The following CTNNA3 variants were observed in gnomAD, a reference collection of about 807,000 sequenced individuals.
CTNNA3 encodes the protein catenin alpha-3.
CTNNA3 carries 76 observed loss-of-function variants against 95.7 expected under a neutral mutation model. The ratio of observed to expected loss-of-function variants is 0.79; its 90% CI spans 0.66 to 0.96. The LOEUF (loss-of-function observed/expected upper bound fraction) is 0.96. Ranked by LOEUF, CTNNA3 falls within the 40% of genes least tolerant of loss-of-function variation. The pLI is 0.00. For synonymous variants in CTNNA3, 431 were observed against 374.4 expected, an observed-to-expected ratio of 1.15 and a Z score of -1.74; for missense variants, 1,191 against 1,089.8, an observed-to-expected ratio of 1.09 and a Z score of -1.31.
At chr10:67,522,380 G>T (rs1183641156) in intron 4 of CTNNA3, among the ~76,000 whole-genome samples, 2 of 152,106 alleles carry the variant, frequency 1.3e-5, no homozygotes, top group Non-Finnish European at 2.9e-5. Flanking sequence ...TGAAAATGTA[G>T]TTGCTTACAC....
rs577990827 is a variant in CTNNA3 at position 66,745,064 on chromosome 10, C to T, written c.1281+21200G>A. 6.4e-4 allele frequency among the ~76,000 whole-genome samples: 97 copies of T among 152,268 alleles called. 1 individual carries two copies. Among genetic ancestry groups the T allele is most frequent in the African/African-American group, 2.2e-3 (93 of 41,548 alleles). ...TTATATGGATTGGCACAAACTCAGT[C>T]ACCTGTTCACAGCCAGCTCCACCCC... On this transcript the variant is annotated intron_variant, in intron 9 of 17. Transcript: ENST00000433211.
rs1843296303 is a variant in CTNNA3, at chr10:67,606,920, C to A, written c.229G>T (p.Ala77Ser). The A allele has an allele frequency of 6.2e-7, 1 of 1,614,134 alleles. No individual in the cohort carries two copies. The change falls in exon 3 of 18, where the codon GCC (alanine) becomes TCC (serine). Residue 77 changes from alanine to serine, a missense_variant. By Grantham distance (99) the Ala-to-Ser change is moderately conservative. Transcript: ENST00000433211. ...TCCTTTAAAACTGTAGCTTCCTGGG[C>A]AATCTTCTCTCCCTTGTCTAATAAA... ...WNLLDKGEKI[A>S]QEATVLKDEL... is the part of the protein sequence containing the mutation.
intron 9 of CTNNA3, among the ~76,000 whole-genome samples, chr10:66,658,228 C>CTT (rs1355163073): frequency 7.2e-6 from 1 of 139,210 alleles, no homozygotes; most frequent in African/African-American, 2.5e-5. Context: ...CTCTCTCTTT[C>CTT]TCTCTCTCTC....
chr10:67,726,363 A>ATATATAATTATATATATATC (rs1564841029), intron 1 of CTNNA3, among the ~76,000 whole-genome samples: 2 of 41,616 alleles, frequency 4.8e-5, no homozygotes, highest in African/African-American at 1.3e-4. Context: ...TATATGATAT[A>ATATATAATTATATATATATC]ATATATGATA....
At chr10:66,970,499 GGGT>G (rs1365024098) in intron 7 of CTNNA3, among the ~76,000 whole-genome samples, 4 of 124,730 alleles carry the variant, frequency 3.2e-5, no homozygotes, top group African/African-American at 1.1e-4. Context: ...CTATATTCTT[GGGT>G]GGGGGGGGGA....
Position 66,446,567 on chromosome 10 carries a change from C to A in CTNNA3, c.1532-67215G>T, listed in dbSNP as rs1299105635. 7.2e-5 allele frequency among the ~76,000 whole-genome samples: 11 copies of A among 151,754 alleles called. No homozygotes were observed. The East Asian group carries it at 1.9e-3, about 27-fold the overall frequency. On this transcript the variant is annotated intron_variant, in intron 11 of 17. Coordinates refer to ENST00000433211, the MANE Select transcript of CTNNA3 (RefSeq NM_013266.4). ...TCCAGCATATAAACAGAACCAAAGA[C>A]AAAAACCACATGATTATCTCAATAG...
At chr10:66,800,759 C>T (rs1841398234) in intron 7 of CTNNA3, among the ~76,000 whole-genome samples, 1 of 151,258 alleles carries the variant, frequency 6.6e-6, no homozygotes, top group East Asian at 1.9e-4. Context: ...TCCTTCATAA[C>T]TTTAATCCTA....
chr10:67,003,601 A>G (rs1851803628), intron 7 of CTNNA3, among the ~76,000 whole-genome samples: 1 of 152,190 alleles, frequency 6.6e-6, no homozygotes, highest in African/African-American at 2.4e-5. Flanking sequence ...AACTCACGCA[A>G]TTGCAAAACT....
chr10:66,614,530 C>A (rs1844443352), intron 10 of CTNNA3, among the ~76,000 whole-genome samples: 1 of 151,906 alleles, frequency 6.6e-6, no homozygotes, highest in African/African-American at 2.4e-5. Flanking sequence ...ACATGCTTCT[C>A]TAGGGCAATC....
At chr10:66,441,422 A>T (rs957123025) in intron 11 of CTNNA3, among the ~76,000 whole-genome samples, 1 of 152,234 alleles carries the variant, frequency 6.6e-6, no homozygotes, top group Non-Finnish European at 1.5e-5. Context: ...GTTCATTTGT[A>T]CAAATTTAGC....
chr10:66,295,414 CA>C (rs1234639414), intron 12 of CTNNA3, among the ~76,000 whole-genome samples: 1 of 152,144 alleles, frequency 6.6e-6, no homozygotes, highest in Non-Finnish European at 1.5e-5. Context: ...ATCCTATCTA[CA>C]TTCAGAATGG....
At chr10:67,497,537 A>G (rs1839065871) in intron 5 of CTNNA3, among the ~76,000 whole-genome samples, 1 of 152,206 alleles carries the variant, frequency 6.6e-6, no homozygotes, top group African/African-American at 2.4e-5. Flanking sequence ...GAACTAGTTT[A>G]CATACCCATC....
At chr10:67,128,401 C>T (rs1302389576) in intron 7 of CTNNA3, among the ~76,000 whole-genome samples, 1 of 151,926 alleles carries the variant, frequency 6.6e-6, no homozygotes, top group Non-Finnish European at 1.5e-5. Flanking sequence ...TTCTACATCT[C>T]TCAACTGGGA....
At chr10:66,024,902 G>C (rs1295410643) in intron 15 of CTNNA3, among the ~76,000 whole-genome samples, 1 of 152,204 alleles carries the variant, frequency 6.6e-6, no homozygotes, top group African/African-American at 2.4e-5. Flanking sequence ...ATCACAGCTG[G>C]AAGAAAGGGG....
chr10:65,953,831 T>C (rs1356329078), intron 17 of CTNNA3, among the ~76,000 whole-genome samples: 3 of 152,228 alleles, frequency 2.0e-5, no homozygotes, highest in African/African-American at 2.4e-5. Context: ...TTGTGAATAG[T>C]GCCACAATAA....
chr10:67,268,359 A>AAATTAAATTAAATT (rs759024425), intron 5 of CTNNA3, among the ~76,000 whole-genome samples: 3,350 of 142,824 alleles, frequency 0.023, 47 homozygotes, highest in Non-Finnish European at 0.027. Flanking sequence ...TAAATTAAAT[A>AAATTAAATTAAATT]AATAAATAAA....
intron 7 of CTNNA3, among the ~76,000 whole-genome samples, chr10:66,951,099 A>T (rs1848515138): frequency 1.3e-5 from 2 of 149,058 alleles, no homozygotes; most frequent in African/African-American, 2.5e-5. Flanking sequence ...ACACACACAC[A>T]CACACACACA....
intron 13 of CTNNA3, among the ~76,000 whole-genome samples, chr10:66,232,940 G>A (rs147898764): frequency 0.12 from 17,507 of 151,902 alleles, 1,081 homozygotes; most frequent in Middle Eastern, 0.18. Context: ...GGCGGCTCAC[G>A]AGGTCAGGAG....
At chr10:67,070,102 A>G (rs562444896) in intron 7 of CTNNA3, among the ~76,000 whole-genome samples, 1 of 152,312 alleles carries the variant, frequency 6.6e-6, no homozygotes, top group African/African-American at 2.4e-5. Context: ...GTCAGTGTGT[A>G]GTATTATCAC....
Sources: allele counts gnomAD v4.1 joint callset (sites outside exome capture counted in the v4.1 genomes callset), GRCh38; gene constraint gnomAD v4.1.1; transcripts MANE v1.5; gene names NCBI Gene and HGNC (gene_info 2026-07-23, HGNC 2026-07-21).